The following ABCC4 variants were observed in gnomAD, a reference collection of about 807,000 sequenced individuals.
The protein encoded by ABCC4 is ATP binding cassette subfamily C member 4 (PEL blood group).
A neutral mutation model predicts 168.5 loss-of-function variants in ABCC4; 102 were observed. That is an observed-to-expected ratio of 0.61 (90% CI 0.52 to 0.71). The LOEUF (loss-of-function observed/expected upper bound fraction) is 0.71. ABCC4 is among the 30% of genes least tolerant of loss of function. ABCC4 has a pLI of 0.00. For synonymous variants in ABCC4, 617 were observed against 590.7 expected (o/e 1.04, Z -0.65); for missense variants, 1,402 against 1,605.8 (o/e 0.87, Z 2.17).
chr13:95,075,274 GA>G, intron 22 of ABCC4, 157 bp downstream of exon 22: 2 of 935,064 alleles, frequency 2.1e-6, no homozygotes, highest in Non-Finnish European at 3.2e-6. Flanking sequence ...TCCAAGCCCA[GA>G]AGAAGGGGAT....
At chr13:95,168,040 G>A (rs1242176352) in intron 14 of ABCC4, among the ~76,000 whole-genome samples, 1 of 152,076 alleles carries the variant, frequency 6.6e-6, no homozygotes, top group Non-Finnish European at 1.5e-5. Flanking sequence ...CAATTTTTTT[G>A]TATTTTCGGT....
chr13:95,204,595 G>A (rs968508469), intron 8 of ABCC4, among the ~76,000 whole-genome samples: 4 of 152,102 alleles, frequency 2.6e-5, no homozygotes, highest in Admixed American at 2.6e-4. Context: ...AGTTTCCTGA[G>A]GTCTCCCCAA....
chr13:95,199,379 C>T (rs1184005742), intron 8 of ABCC4, among the ~76,000 whole-genome samples: 1 of 152,166 alleles, frequency 6.6e-6, no homozygotes, highest in Non-Finnish European at 1.5e-5. Context: ...TTACAACCTC[C>T]ATTTTTAGAG....
At chr13:95,100,928 T>C (rs1212379811) in intron 20 of ABCC4, among the ~76,000 whole-genome samples, 1 of 152,208 alleles carries the variant, frequency 6.6e-6, no homozygotes, top group Non-Finnish European at 1.5e-5. Context: ...GTGTGCTTTC[T>C]ACACACTTTC....
intron 30 of ABCC4, among the ~76,000 whole-genome samples, chr13:95,033,216 A>C (rs2031963938): frequency 6.6e-6 from 1 of 152,136 alleles, no homozygotes; most frequent in African/African-American, 2.4e-5. Flanking sequence ...TAGATATTTA[A>C]AATATTACAC....
rs144865316 is a variant in ABCC4 at position 95,104,241 on chromosome 13, G to A, written c.2535+11681C>T. Reference sequence around the variant, plus strand: ...TCAAGCAATTCTTTCAGCCTCCCAAGTAGCTGGGATTACAGGTGTGCACCA... The same window carrying A: ...TCAAGCAATTCTTTCAGCCTCCCAAATAGCTGGGATTACAGGTGTGCACCA... On this transcript the variant is annotated intron_variant, in intron 20 of 30. Coordinates refer to ENST00000645237, the MANE Select transcript of ABCC4 (RefSeq NM_005845.5). 4.1e-3 allele frequency among the ~76,000 whole-genome samples: 622 copies of A among 152,218 alleles called. 5 individuals carry two copies. The highest frequency in any genetic ancestry group is 0.014 in the African/African-American group (573 of 41,532).
chr13:95,158,512 C>T (rs1218744011), intron 19 of ABCC4, among the ~76,000 whole-genome samples: 1 of 152,076 alleles, frequency 6.6e-6, no homozygotes, highest in Non-Finnish European at 1.5e-5. Context: ...AGGTCCTCCC[C>T]GTTTCCTAAG....
intron 20 of ABCC4, among the ~76,000 whole-genome samples, chr13:95,086,119 G>GTGTGT (rs1555309910): frequency 2.0e-5 from 3 of 150,232 alleles, no homozygotes; most frequent in African/African-American, 7.4e-5. Context: ...GTGTGTGTGT[G>GTGTGT]GTTATATCTG....
At chr13:95,291,388 A>T (rs923011050) in intron 1 of ABCC4, among the ~76,000 whole-genome samples, 3 of 151,140 alleles carry the variant, frequency 2.0e-5, no homozygotes, top group Non-Finnish European at 4.4e-5. Context: ...TGCCCAGGTG[A>T]TCCAATACTC....
intron 4 of ABCC4, among the ~76,000 whole-genome samples, chr13:95,211,831 C>G (rs372259284): frequency 6.6e-6 from 1 of 151,824 alleles, no homozygotes; most frequent in Non-Finnish European, 1.5e-5. Flanking sequence ...AGACTGTCAA[C>G]GAGGGCTATG....
intron 30 of ABCC4, among the ~76,000 whole-genome samples, chr13:95,025,213 C>CTCA (rs2031373265): frequency 1.8e-5 from 1 of 55,726 alleles, no homozygotes; most frequent in African/African-American, 7.7e-5. Context: ...CCCACACCCC[C>CTCA]CACACACCCC....
intron 20 of ABCC4, among the ~76,000 whole-genome samples, chr13:95,096,829 C>T (rs1438708457): frequency 6.6e-6 from 1 of 152,022 alleles, no homozygotes; most frequent in East Asian, 1.9e-4. Context: ...GAAAATGATA[C>T]CAGATGGAAG....
At chr13:95,155,314 G>C (rs993980568) in intron 19 of ABCC4, among the ~76,000 whole-genome samples, 1 of 151,512 alleles carries the variant, frequency 6.6e-6, no homozygotes, top group Non-Finnish European at 1.5e-5. Context: ...TCAGCCTCCC[G>C]AGCTGCTGGG....
chr13:95,037,688 C>T (rs9524779), intron 29 of ABCC4, among the ~76,000 whole-genome samples: 151,864 of 152,312 alleles, frequency 1, 75,710 homozygotes, highest in Non-Finnish European at 1. Context: ...CTGTAAACAG[C>T]TAATTTTCTA....
intron 11 of ABCC4, among the ~76,000 whole-genome samples, chr13:95,183,101 G>A (rs1380787293): frequency 1.3e-5 from 2 of 148,246 alleles, no homozygotes; most frequent in East Asian, 2.0e-4. Context: ...TGCGGGGGAG[G>A]GTGGCCAGGA....
intron 4 of ABCC4, among the ~76,000 whole-genome samples, chr13:95,220,858 T>C (rs1355860175): frequency 6.6e-6 from 1 of 152,120 alleles, no homozygotes; most frequent in African/African-American, 2.4e-5. Context: ...AAGGAGAAGA[T>C]GAGGACTTCA....
At chr13:95,239,230 GATAAA>G (rs1594358645) in intron 3 of ABCC4, among the ~76,000 whole-genome samples, 2 of 151,740 alleles carry the variant, frequency 1.3e-5, no homozygotes, top group East Asian at 3.9e-4. Context: ...GATACTGTAA[GATAAA>G]ATAAATGAAT....
intron 20 of ABCC4, among the ~76,000 whole-genome samples, chr13:95,099,079 A>C (rs932485837): frequency 5.3e-5 from 8 of 152,252 alleles, no homozygotes; most frequent in Non-Finnish European, 5.9e-5. Context: ...CACTTCTATA[A>C]GAACATTCAT....
chr13:95,274,767 T>A (rs1392736375), intron 1 of ABCC4, among the ~76,000 whole-genome samples: 1 of 152,186 alleles, frequency 6.6e-6, no homozygotes, highest in Non-Finnish European at 1.5e-5. Flanking sequence ...CACATCTCAC[T>A]GACCATCACA....
Sources: allele counts gnomAD v4.1 joint callset (sites outside exome capture counted in the v4.1 genomes callset), GRCh38; gene constraint gnomAD v4.1.1; transcripts MANE v1.5; gene names NCBI Gene and HGNC (gene_info 2026-07-23, HGNC 2026-07-21).